CNTRL: variants seen among roughly 807,000 people sequenced by gnomAD.
The protein encoded by CNTRL is centriolin, also known as 110 kDa centrosomal protein.
CNTRL carries 233 observed loss-of-function variants against 303.7 expected under a neutral mutation model. The observed-to-expected ratio is 0.77, with a 90% CI of 0.69 to 0.86. The LOEUF is 0.86. Among genes scored for constraint, CNTRL ranks in the 40% least tolerant of loss-of-function variants. The pLI, the probability that CNTRL is intolerant of heterozygous loss-of-function variation, is 0.00. For missense variants in CNTRL, 2,524 were observed against 2,650.6 expected, an observed-to-expected ratio of 0.95 and a Z score of 1.05; for synonymous variants, 900 against 922.2, an observed-to-expected ratio of 0.98 and a Z score of 0.44.
intron 21 of CNTRL, 21 bp from the exon 22 acceptor site, chr9:121,145,223 A>T: frequency 6.3e-7 from 1 of 1,596,636 alleles, no homozygotes; most frequent in Non-Finnish European, 8.5e-7. Context: ...GCAACTTTGT[A>T]TGTGTAATTT....
At chr9:121,111,802 G>T (rs576294707) in intron 8 of CNTRL, among the ~76,000 whole-genome samples, 1 of 151,620 alleles carries the variant, frequency 6.6e-6, no homozygotes, top group Non-Finnish European at 1.5e-5. Flanking sequence ...TGGATCATTT[G>T]TCTTCTCCAA....
intron 9 of CNTRL, among the ~76,000 whole-genome samples, chr9:121,112,979 C>T (rs2049815247): frequency 6.6e-6 from 1 of 152,164 alleles, no homozygotes; most frequent in Non-Finnish European, 1.5e-5. Flanking sequence ...TCAATCATGA[C>T]TGGTACAAAT....
intron 15 of CNTRL, among the ~76,000 whole-genome samples, chr9:121,136,653 C>A (rs191767820): frequency 6.6e-6 from 1 of 152,262 alleles, no homozygotes; most frequent in East Asian, 1.9e-4. Flanking sequence ...TTTGCTGTCT[C>A]CTTTTAGGGT....
At chr9:121,128,918 G>C (rs934792663) in intron 14 of CNTRL, among the ~76,000 whole-genome samples, 3 of 152,024 alleles carry the variant, frequency 2.0e-5, no homozygotes, top group Non-Finnish European at 4.4e-5. Flanking sequence ...TCTTGTTTTT[G>C]TCAGGTTTGT....
At chr9:121,080,215 TATCTC>T (rs1419231147) in intron 1 of CNTRL, 86 bp from the exon 2 acceptor site, 4 of 131,172 alleles carry the variant, frequency 3.0e-5, no homozygotes, top group African/African-American at 5.0e-5. Context: ...AAATAACACT[TATCTC>T]ATAGAGTTGT....
chr9:121,108,709 G>C (rs935149211), intron 8 of CNTRL, among the ~76,000 whole-genome samples: 1 of 152,030 alleles, frequency 6.6e-6, no homozygotes, highest in African/African-American at 2.4e-5. Flanking sequence ...TGAGGTGCAA[G>C]GATCACTTGA....
chr9:121,078,837 A>G (rs187504079), intron 1 of CNTRL, among the ~76,000 whole-genome samples: 85 of 152,370 alleles, frequency 5.6e-4, no homozygotes, highest in African/African-American at 1.9e-3. Context: ...TGCATAGCGT[A>G]AGGCAGGTGG....
In CNTRL at chr9:121,168,260, T is replaced by A. The variant is rs761269118; in HGVS notation, c.6009T>A (p.Val2003=). 6.2e-7 allele frequency: 1 copy of A among 1,614,148 alleles called. No homozygotes were observed. Among genetic ancestry groups the A allele is most frequent in the South Asian group, 1.1e-5 (1 of 91,086 alleles). The change falls in exon 38 of 44, where the codon GTT becomes GTA. Residue 2003 remains valine, a synonymous_variant. Coordinates refer to ENST00000373855, the MANE Select transcript of CNTRL (RefSeq NM_007018.6). ...AGGTGCTGGCAGCTGAAGAGCGTGT[T>A]AGGACTCTGCAGGAAGAGGAGAGGT... ...LSKVLAAEER[V]RTLQEEERWC... is the part of the protein sequence containing the mutation.
chr9:121,174,217 G>A (rs553486801), intron 42 of CNTRL, among the ~76,000 whole-genome samples: 3 of 152,122 alleles, frequency 2.0e-5, no homozygotes, highest in South Asian at 4.1e-4. Context: ...TAGGATTACT[G>A]ATCAGTGTTG....
At chr9:121,128,381 T>A (rs1022843009) in intron 14 of CNTRL, among the ~76,000 whole-genome samples, 3 of 152,234 alleles carry the variant, frequency 2.0e-5, no homozygotes, top group African/African-American at 7.2e-5. Flanking sequence ...TGATTTGCAT[T>A]TCTCTGATGG....
At chr9:121,116,520 A>C (rs934762713) in intron 11 of CNTRL, among the ~76,000 whole-genome samples, 2 of 152,162 alleles carry the variant, frequency 1.3e-5, no homozygotes, top group African/African-American at 4.8e-5. Flanking sequence ...ATGGAGTCTC[A>C]CCATATTGAC....
chr9:121,129,491 C>G (rs1316101093), intron 14 of CNTRL, among the ~76,000 whole-genome samples: 1 of 152,122 alleles, frequency 6.6e-6, no homozygotes, highest in Non-Finnish European at 1.5e-5. Flanking sequence ...TTTTTGTATC[C>G]TGAGACTTTG....
chr9:121,162,111 G>A lies in CNTRL; in HGVS notation c.5263G>A (p.Glu1755Lys), dbSNP rs764922015. 29 of 1,614,086 alleles carry A rather than the reference G, an allele frequency of 1.8e-5. No homozygotes were observed. Among genetic ancestry groups the A allele is most frequent in the Non-Finnish European group, 1.6e-5 (19 of 1,180,038 alleles). The change falls in exon 34 of 44, where the codon GAG becomes AAG. Residue 1755 changes from glutamate to lysine, a missense_variant. By Grantham distance (56) the Glu-to-Lys change is moderately conservative. Transcript: ENST00000373855. ...ATCCCAGCAGCAGAAAGGGGAAATA[G>A]AGTGGCAGAAGCAGCTCCTTGAGAG... ...QISQQQKGEI[E>K]WQKQLLERDK...
chr9:121,074,997 C>A lies in CNTRL; in HGVS notation c.-275C>A. ...AAAATGGCTGCCGCGCCGCTGGGCC[C>A]CTGAGGAAAGAGCCCGAACTTCTCC... On this transcript the variant is annotated 5_prime_UTR_variant, in exon 1 of 44. Transcript: ENST00000373855. 2 of 455,410 alleles carry A rather than the reference C, an allele frequency of 4.4e-6. No individual in the cohort carries two copies. Among genetic ancestry groups the A allele is most frequent in the South Asian group, 3.1e-5 (2 of 64,498 alleles). 28.2% of individuals were successfully genotyped at this position (455,410 alleles called of 1,614,324 possible). A position where few individuals can be genotyped will look rare whatever the true frequency, so the allele number is the denominator to read the frequency against.
intron 34 of CNTRL, among the ~76,000 whole-genome samples, chr9:121,163,537 A>G (rs1339423545): frequency 6.6e-6 from 1 of 152,058 alleles, no homozygotes; most frequent in East Asian, 1.9e-4. Flanking sequence ...AATTTAAAAC[A>G]TCTCCTCAAA....
In CNTRL at chr9:121,129,281, T is replaced by G. The variant is rs142275458; in HGVS notation, c.2025+3345T>G. 5.1e-3 allele frequency among the ~76,000 whole-genome samples: 778 copies of G among 152,340 alleles called. 3 individuals carry two copies. The highest frequency in any genetic ancestry group is 8.2e-3 in the Non-Finnish European group (556 of 68,026). Reference sequence around the variant, plus strand: ...ATTCTTCCTACCCATGAGCATGGAATGTTCTTCCATTTGTTTGTGTCCTCT... The same window carrying G: ...ATTCTTCCTACCCATGAGCATGGAAGGTTCTTCCATTTGTTTGTGTCCTCT... On this transcript the variant is annotated intron_variant, in intron 14 of 43. Transcript: ENST00000373855.
At chr9:121,100,987 A>AG (rs2049136738) in intron 7 of CNTRL, among the ~76,000 whole-genome samples, 1 of 150,242 alleles carries the variant, frequency 6.7e-6, no homozygotes, top group African/African-American at 2.4e-5. Context: ...CCCACTGTCA[A>AG]TGTTAGATCC....
At chr9:121,085,876 T>A (rs1007608774) in intron 2 of CNTRL, among the ~76,000 whole-genome samples, 1 of 152,164 alleles carries the variant, frequency 6.6e-6, no homozygotes, top group East Asian at 1.9e-4. Flanking sequence ...TGAGTCCTGT[T>A]TGTAGTGCAT....
chr9:121,142,394 C>A, intron 19 of CNTRL, 124 bp downstream of exon 19: 1 of 733,522 alleles, frequency 1.4e-6, no homozygotes, highest in Non-Finnish European at 2.1e-6. Flanking sequence ...TGGCACAGTG[C>A]TGAACCTGAC....
Sources: allele counts gnomAD v4.1 joint callset (sites outside exome capture counted in the v4.1 genomes callset), GRCh38; gene constraint gnomAD v4.1.1; transcripts MANE v1.5; gene names NCBI Gene and HGNC (gene_info 2026-07-23, HGNC 2026-07-21).